The following CHST11 variants were observed in gnomAD, a reference collection of about 807,000 sequenced individuals.
The protein encoded by CHST11 is C4S-1.
CHST11 carries 9 observed loss-of-function variants against 30.4 expected under a neutral mutation model. The observed-to-expected ratio is 0.30, with a 90% CI of 0.18 to 0.52. CHST11 has a LOEUF of 0.52. Among genes scored for constraint, CHST11 ranks in the 20% least tolerant of loss-of-function variants. The pLI, the probability that CHST11 is intolerant of heterozygous loss-of-function variation, is 0.97. For missense variants in CHST11, 348 were observed against 460.6 expected (o/e 0.76, Z 2.24); for synonymous variants, 152 against 187.8 (o/e 0.81, Z 1.56).
At chr12:104,609,266 G>A (rs1466910227) in intron 2 of CHST11, among the ~76,000 whole-genome samples, 1 of 152,232 alleles carries the variant, frequency 6.6e-6, no homozygotes, top group Non-Finnish European at 1.5e-5. Context: ...TGATTTGGTT[G>A]TAGACCGACT....
intron 2 of CHST11, among the ~76,000 whole-genome samples, chr12:104,665,810 CTCTTTTTTTTTTTTTTTT>C (rs1318805638): frequency 8.6e-6 from 1 of 115,860 alleles, no homozygotes; most frequent in Non-Finnish European, 1.8e-5. Flanking sequence ...CTCTCTCTGT[CTCTTTTTTTTTTTTTTTT>C]TTTTTTTTTT....
rs2037354951 is a variant in CHST11 at position 104,457,064 on chromosome 12, G to A, written c.-348G>A. 1 of 188,088 alleles carries A rather than the reference G, an allele frequency of 5.3e-6. No homozygotes were observed. Among genetic ancestry groups the A allele is most frequent in the African/African-American group, 2.3e-5 (1 of 42,868 alleles). The allele number at this position is 188,088 out of a possible 1,614,324, so 11.7% of individuals were successfully genotyped here. A position where few individuals can be genotyped will look rare whatever the true frequency, so the allele number is the denominator to read the frequency against. On this transcript the variant is annotated 5_prime_UTR_variant, in exon 1 of 3. Coordinates refer to ENST00000303694, the MANE Select transcript of CHST11 (RefSeq NM_018413.6). ...CAGCGGCCAGCGCAGCGGCAGCGGCGGCGGCACCACCATCACCGCTCGCAC... is the reference window on the plus strand; with the variant it reads ...CAGCGGCCAGCGCAGCGGCAGCGGCAGCGGCACCACCATCACCGCTCGCAC...
intron 2 of CHST11, among the ~76,000 whole-genome samples, chr12:104,727,059 T>C (rs543601890): frequency 4.6e-5 from 7 of 152,268 alleles, no homozygotes; most frequent in African/African-American, 1.7e-4. Context: ...TAAGTGGGTC[T>C]CTAGGGATCC....
At chr12:104,755,368 GA>G (rs1188054416) in intron 2 of CHST11, among the ~76,000 whole-genome samples, 2 of 152,204 alleles carry the variant, frequency 1.3e-5, no homozygotes, top group Admixed American at 6.5e-5. Flanking sequence ...CAGGAGTTGA[GA>G]AAACCAAGAA....
rs571946663 is a variant in CHST11, at chr12:104,752,944, T to C, written c.205-4005T>C. Among the ~76,000 whole-genome samples the C allele has an allele frequency of 3.3e-5, 5 of 152,350 alleles. No homozygotes were observed. In the East Asian group the frequency reaches 9.6e-4, roughly 29 times the overall value. On this transcript the variant is annotated intron_variant, in intron 2 of 2. Coordinates refer to ENST00000303694, the MANE Select transcript of CHST11 (RefSeq NM_018413.6). ...ACCAACACTTATGGAGCATCTCCTA[T>C]GGGGCTGGCACTTTTGCAAGCACCG...
chr12:104,667,369 G>A (rs1244131444), intron 2 of CHST11, among the ~76,000 whole-genome samples: 1 of 152,166 alleles, frequency 6.6e-6, no homozygotes, highest in African/African-American at 2.4e-5. Context: ...TACACACCAA[G>A]GTTGTGCAAT....
chr12:104,636,643 C>T (rs1299659015), intron 2 of CHST11, among the ~76,000 whole-genome samples: 1 of 152,180 alleles, frequency 6.6e-6, no homozygotes, highest in Admixed American at 6.5e-5. Flanking sequence ...GGCTCTGCTA[C>T]TTTGCAGCTG....
chr12:104,478,128 TA>T (rs940089808), intron 1 of CHST11, among the ~76,000 whole-genome samples: 2 of 152,050 alleles, frequency 1.3e-5, no homozygotes, highest in Non-Finnish European at 2.9e-5. Flanking sequence ...AGCAAACCCA[TA>T]ACTCAAACTG....
intron 1 of CHST11, among the ~76,000 whole-genome samples, chr12:104,593,320 A>G (rs374630478): frequency 3.2e-4 from 48 of 152,314 alleles, no homozygotes; most frequent in African/African-American, 9.6e-4. Context: ...GTCTCCAGTA[A>G]GGAGAGAGAG....
At chr12:104,730,455 G>A (rs1170504846) in intron 2 of CHST11, among the ~76,000 whole-genome samples, 1 of 152,198 alleles carries the variant, frequency 6.6e-6, no homozygotes, top group Non-Finnish European at 1.5e-5. Flanking sequence ...CTCCTGCCAT[G>A]CTAGGTGTGA....
chr12:104,524,039 CTTTTTT>C (rs10594720), intron 1 of CHST11, among the ~76,000 whole-genome samples: 3 of 128,042 alleles, frequency 2.3e-5, no homozygotes, highest in Non-Finnish European at 3.3e-5. Flanking sequence ...TTCTTTCTTT[CTTTTTT>C]TTTTTTTTTT....
intron 1 of CHST11, among the ~76,000 whole-genome samples, chr12:104,524,154 CACCACAGTGACTCGA>C (rs2038101329): frequency 6.6e-6 from 1 of 151,742 alleles, no homozygotes; most frequent in African/African-American, 2.4e-5. Context: ...TGTTGCTTCC[CACCACAGTGACTCGA>C]GAATAGGAAG....
intron 1 of CHST11, among the ~76,000 whole-genome samples, chr12:104,504,203 A>G (rs573210184): frequency 8.4e-4 from 128 of 152,300 alleles, no homozygotes; most frequent in African/African-American, 2.9e-3. Flanking sequence ...CTCTGGGCCC[A>G]CTTCAGTGCC....
intron 1 of CHST11, among the ~76,000 whole-genome samples, chr12:104,571,923 AG>A (rs1377682222): frequency 2.6e-5 from 4 of 152,206 alleles, no homozygotes; most frequent in Non-Finnish European, 2.9e-5. Context: ...TTTAGCATGA[AG>A]GGTTGTTGAA....
At chr12:104,611,428 A>G (rs1193471858) in intron 2 of CHST11, among the ~76,000 whole-genome samples, 1 of 152,176 alleles carries the variant, frequency 6.6e-6, no homozygotes, top group African/African-American at 2.4e-5. Flanking sequence ...TGCCCATGTT[A>G]TGACACTAAT....
intron 2 of CHST11, among the ~76,000 whole-genome samples, chr12:104,753,618 T>TACC (rs2040452108): frequency 6.6e-6 from 1 of 152,210 alleles, no homozygotes; most frequent in Middle Eastern, 3.4e-3. Flanking sequence ...GACAAAACAA[T>TACC]ACCCAGGCAC....
Position 104,658,071 on chromosome 12 carries a change from A to G in CHST11, c.204+56080A>G, listed in dbSNP as rs1804766504. On this transcript the variant is annotated intron_variant, in intron 2 of 2. Coordinates refer to ENST00000303694, the MANE Select transcript of CHST11 (RefSeq NM_018413.6). ...AGCCAAGGATACTCAGAGTTTTACA[A>G]GCATGCTGTGTGGACTGGGGCGGGG... Among the ~76,000 whole-genome samples, 7 of 152,334 alleles carry G rather than the reference A, an allele frequency of 4.6e-5. No individual in the cohort carries two copies. In the South Asian group the frequency reaches 1.5e-3, roughly 32 times the overall value.
chr12:104,496,664 T>G (rs1290355634), intron 1 of CHST11, among the ~76,000 whole-genome samples: 1 of 152,264 alleles, frequency 6.6e-6, no homozygotes. Flanking sequence ...GTGAACATTT[T>G]TCTTATTTTG....
At chr12:104,690,917 G>T (rs1403218552) in intron 2 of CHST11, among the ~76,000 whole-genome samples, 2 of 152,226 alleles carry the variant, frequency 1.3e-5, no homozygotes, top group Non-Finnish European at 2.9e-5. Context: ...ATTTTCACAA[G>T]TGCAGCTTAC....
Sources: gnomAD v4.1 joint callset for allele counts (sites outside exome capture counted in the v4.1 genomes callset) on GRCh38, gnomAD v4.1.1 for gene constraint, MANE v1.5 for transcripts, NCBI Gene and HGNC (gene_info 2026-07-23, HGNC 2026-07-21) for gene names.